The following EXOC4 variants were observed in gnomAD, a reference collection of about 807,000 sequenced individuals.
EXOC4 encodes the protein SEC8-like 1.
In EXOC4, 71 loss-of-function variants were observed where a neutral mutation model predicts 107.2. That is an observed-to-expected ratio of 0.66 (90% confidence interval 0.55 to 0.81). EXOC4 has a LOEUF of 0.81. Ranked by LOEUF, EXOC4 falls within the 30% of genes least tolerant of loss-of-function variation. The pLI is 0.00. For synonymous variants in EXOC4, 456 were observed against 441.2 expected (o/e 1.03, Z -0.42); for missense variants, 1,108 against 1,189.6 (o/e 0.93, Z 1.01).
At chr7:133,745,793 G>T (rs1795664396) in intron 10 of EXOC4, among the ~76,000 whole-genome samples, 1 of 148,230 alleles carries the variant, frequency 6.7e-6, no homozygotes, top group African/African-American at 2.5e-5. Flanking sequence ...GGTTTTGATG[G>T]TCTCTCCTTC....
intron 3 of EXOC4, among the ~76,000 whole-genome samples, chr7:133,295,109 T>C (rs10224284): frequency 1.4e-3 from 213 of 152,254 alleles, no homozygotes; most frequent in African/African-American, 4.8e-3. Flanking sequence ...GATGATTGCT[T>C]CCATGTTATA....
intron 4 of EXOC4, among the ~76,000 whole-genome samples, chr7:133,312,644 G>C (rs1391152076): frequency 6.6e-6 from 1 of 152,010 alleles, no homozygotes; most frequent in Admixed American, 6.6e-5. Context: ...GTTGAAAAAG[G>C]AGCATGCGTG....
chr7:133,807,754 T>G (rs1240348521), intron 10 of EXOC4, among the ~76,000 whole-genome samples: 1 of 152,170 alleles, frequency 6.6e-6, no homozygotes, highest in Non-Finnish European at 1.5e-5. Context: ...TTTAAAAAGA[T>G]TGTTTGATAT....
intron 11 of EXOC4, among the ~76,000 whole-genome samples, chr7:133,875,600 G>A (rs896429170): frequency 1.3e-5 from 2 of 152,164 alleles, no homozygotes; most frequent in Admixed American, 1.3e-4. Context: ...TGATGATCAG[G>A]AGGGTCCAGT....
chr7:133,672,102 C>T (rs1793959029), intron 10 of EXOC4, among the ~76,000 whole-genome samples: 1 of 151,992 alleles, frequency 6.6e-6, no homozygotes. Context: ...TAAAATGTAC[C>T]TAGTACAGGC....
chr7:133,816,562 C>A (rs1797373785), intron 10 of EXOC4, among the ~76,000 whole-genome samples: 1 of 152,156 alleles, frequency 6.6e-6, no homozygotes, highest in South Asian at 2.1e-4. Flanking sequence ...CCTTCATTCT[C>A]TCTCTGTTTC....
intron 10 of EXOC4, among the ~76,000 whole-genome samples, chr7:133,734,060 T>A (rs1795387120): frequency 6.6e-6 from 1 of 152,242 alleles, no homozygotes; most frequent in Non-Finnish European, 1.5e-5. Flanking sequence ...CTTTATTTCA[T>A]TCCTGCTCAA....
At chr7:133,413,841 A>G (rs1786903300) in intron 7 of EXOC4, among the ~76,000 whole-genome samples, 1 of 152,116 alleles carries the variant, frequency 6.6e-6, no homozygotes, top group African/African-American at 2.4e-5. Context: ...ATAGTGACTG[A>G]TCAGTGAAGG....
At chr7:133,699,541 G>C (rs181005902) in intron 10 of EXOC4, among the ~76,000 whole-genome samples, 2 of 152,268 alleles carry the variant, frequency 1.3e-5, no homozygotes, top group East Asian at 3.9e-4. Context: ...GGCAGTTGCT[G>C]GGCTGGTCTC....
intron 7 of EXOC4, among the ~76,000 whole-genome samples, chr7:133,446,682 T>C (rs568030427): frequency 6.6e-6 from 1 of 151,842 alleles, no homozygotes; most frequent in Non-Finnish European, 1.5e-5. Context: ...AAAAATATAC[T>C]TTTAATGTTT....
At chr7:133,497,818 T>A (rs1227717785) in intron 9 of EXOC4, among the ~76,000 whole-genome samples, 1 of 152,136 alleles carries the variant, frequency 6.6e-6, no homozygotes, top group Non-Finnish European at 1.5e-5. Context: ...GAGGAAGACA[T>A]GTCTATCAGT....
intron 9 of EXOC4, among the ~76,000 whole-genome samples, chr7:133,591,547 GGTGTGTGTGTGTGTGTGTGTGCGTGT>G (rs1404975822): frequency 4.7e-4 from 28 of 59,184 alleles, no homozygotes; most frequent in African/African-American, 1.5e-3. Context: ...TTAAAGATCT[GGTGTGTGTGTGTGTGTGTGTGCGTGT>G]GTGTGTGTGT....
intron 15 of EXOC4, among the ~76,000 whole-genome samples, chr7:134,003,936 A>T (rs151246018): frequency 3.3e-4 from 50 of 152,214 alleles, no homozygotes; most frequent in Non-Finnish European, 6.2e-4. Flanking sequence ...GACCAGACTG[A>T]CACAGGCCAT....
At chr7:133,281,654 C>T (rs1043728453) in intron 2 of EXOC4, among the ~76,000 whole-genome samples, 2 of 150,988 alleles carry the variant, frequency 1.3e-5, no homozygotes, top group African/African-American at 4.9e-5. Flanking sequence ...AGAGGCATTT[C>T]CTCCCTTCTT....
intron 7 of EXOC4, among the ~76,000 whole-genome samples, chr7:133,468,449 C>A (rs1798786976): frequency 6.6e-6 from 1 of 151,976 alleles, no homozygotes; most frequent in Non-Finnish European, 1.5e-5. Context: ...TTCATAGTAG[C>A]TCTATGAGGA....
chr7:133,671,983 T>C (rs1363856904), intron 10 of EXOC4, among the ~76,000 whole-genome samples: 2 of 152,120 alleles, frequency 1.3e-5, no homozygotes, highest in Non-Finnish European at 2.9e-5. Context: ...AATTCGTAAA[T>C]GGGAATTAGA....
At chr7:133,254,208 C>T (rs1388766039) in intron 1 of EXOC4, among the ~76,000 whole-genome samples, 1 of 152,146 alleles carries the variant, frequency 6.6e-6, no homozygotes, top group East Asian at 1.9e-4. Context: ...AACAGCTTAC[C>T]ACTCACTGAC....
chr7:133,542,039 A>C (rs2150932478), intron 9 of EXOC4, among the ~76,000 whole-genome samples: 2 of 152,194 alleles, frequency 1.3e-5, no homozygotes, highest in Middle Eastern at 3.4e-3. Context: ...AGTGCATTTT[A>C]AGAACTTATT....
At chr7:133,952,628 C>T (rs12669384) in intron 14 of EXOC4, among the ~76,000 whole-genome samples, 33,967 of 152,088 alleles carry the variant, frequency 0.22, 4,986 homozygotes, top group East Asian at 0.44. Context: ...ACTCCATATT[C>T]CTTAAACAAT....
Sources: gnomAD v4.1 joint callset for allele counts (sites outside exome capture counted in the v4.1 genomes callset) on GRCh38, gnomAD v4.1.1 for gene constraint, MANE v1.5 for transcripts, NCBI Gene and HGNC (gene_info 2026-07-23, HGNC 2026-07-21) for gene names.